The following ZNF678 variants were observed in gnomAD, a reference collection of about 807,000 sequenced individuals.
ZNF678 encodes zinc finger protein 678.
Under a neutral mutation model 3.0 loss-of-function variants are expected in ZNF678, and 5 were observed. The ratio of observed to expected loss-of-function variants is 1.69; its 90% CI spans 0.88 to 3.56. ZNF678 has a LOEUF of 3.56. Ranked by LOEUF, ZNF678 falls within the 30% of genes most tolerant of loss-of-function variation. ZNF678 has a pLI of 0.00. For synonymous variants in ZNF678, 218 were observed against 199.6 expected, an observed-to-expected ratio of 1.09 and a Z score of -0.78; for missense variants, 593 against 605.0, an observed-to-expected ratio of 0.98 and a Z score of 0.21.
In ZNF678 at chr1:227,568,979, A is replaced by C. The variant is rs561520182; in HGVS notation, c.-164+5255A>C. Reference sequence around the variant, plus strand: ...CTCTGTTCTGTACACAGGCTGTCACACTGCACTGTCCTGTGATTCCAGGTG... The same window carrying C: ...CTCTGTTCTGTACACAGGCTGTCACCCTGCACTGTCCTGTGATTCCAGGTG... On this transcript the variant is annotated intron_variant, in intron 1 of 3. Coordinates refer to ENST00000343776, the MANE Select transcript of ZNF678 (RefSeq NM_001367909.1). 9.2e-5 allele frequency among the ~76,000 whole-genome samples: 14 copies of C among 152,322 alleles called. No individual in the cohort carries two copies. In the East Asian group the frequency reaches 2.7e-3, roughly 29 times the overall value.
At chr1:227,589,769 A>G (rs530049979) in intron 1 of ZNF678, among the ~76,000 whole-genome samples, 1 of 151,966 alleles carries the variant, frequency 6.6e-6, no homozygotes, top group African/African-American at 2.4e-5. Flanking sequence ...AGGTTAGGTC[A>G]GGGGTCGATC....
intron 1 of ZNF678, among the ~76,000 whole-genome samples, chr1:227,572,552 G>A (rs117433340): frequency 3.1e-4 from 47 of 152,244 alleles, no homozygotes; most frequent in African/African-American, 9.9e-4. Flanking sequence ...GGGGAAGAGC[G>A]ATGGGCACCC....
chr1:227,573,005 G>A (rs1656893871), intron 1 of ZNF678, among the ~76,000 whole-genome samples: 1 of 152,264 alleles, frequency 6.6e-6, no homozygotes, highest in Admixed American at 6.5e-5. Context: ...CCTGGCTACA[G>A]CTAGCGCTGG....
chr1:227,586,309 C>T lies in ZNF678; in HGVS notation c.-164+22585C>T, dbSNP rs186310871. ...CAGAAACTGTCTTAGGAAGCACAGA[C>T]GTAATATTTATTAAACTAAGCCTTT... On this transcript the variant is annotated intron_variant, in intron 1 of 3. Transcript: ENST00000343776. 8.5e-5 allele frequency among the ~76,000 whole-genome samples: 13 copies of T among 152,230 alleles called. 1 individual carries two copies. In the East Asian group the frequency reaches 1.3e-3, roughly 16 times the overall value.
intron 1 of ZNF678, among the ~76,000 whole-genome samples, chr1:227,598,007 C>T (rs1339917423): frequency 6.6e-6 from 1 of 152,204 alleles, no homozygotes; most frequent in Non-Finnish European, 1.5e-5. Flanking sequence ...TGCTTCTCTA[C>T]AGAGTAAGGG....
downstream of ZNF678, chr1:227,677,582 TC>T (rs1307168150): frequency 6.6e-6 from 1 of 152,196 alleles, no homozygotes; most frequent in Non-Finnish European, 1.5e-5. Context: ...AGGGGACTCT[TC>T]CCTACCCAAT....
rs1262805042 is a variant in ZNF678, at chr1:227,657,479, C to G, written c.*1651C>G. 4 of 151,828 alleles carry G rather than the reference C, an allele frequency of 2.6e-5. No individual in the cohort carries two copies. Among genetic ancestry groups the G allele is most frequent in the Non-Finnish European group, 5.9e-5 (4 of 67,892 alleles). 9.4% of individuals were successfully genotyped at this position (151,828 alleles called of 1,614,324 possible). A position where few individuals can be genotyped will look rare whatever the true frequency, so the allele number is the denominator to read the frequency against. On this transcript the variant is annotated 3_prime_UTR_variant, in exon 4 of 4. Transcript: ENST00000343776. ...TTTGTAAATACTGGACAATGATACT[C>G]TTATATAATCTTCAGTATAACCATT...
chr1:227,631,146 G>GA (rs36013935), intron 1 of ZNF678, among the ~76,000 whole-genome samples: 1 of 151,978 alleles, frequency 6.6e-6, no homozygotes, highest in Non-Finnish European at 1.5e-5. Context: ...TTTCCCATCT[G>GA]AAAAAAGGAC....
downstream of ZNF678, among the ~76,000 whole-genome samples, chr1:227,666,741 CTTTT>C (rs1182440018): frequency 8.7e-6 from 1 of 115,168 alleles, no homozygotes; most frequent in Non-Finnish European, 1.8e-5. Flanking sequence ...TTCTTTCTTG[CTTTT>C]TTTTTTTTTT....
At chr1:227,616,368 G>T (rs1302530169) in intron 1 of ZNF678, among the ~76,000 whole-genome samples, 1 of 152,222 alleles carries the variant, frequency 6.6e-6, no homozygotes, top group Non-Finnish European at 1.5e-5. Context: ...CTCCGCAGGT[G>T]CTGGCCCATT....
At chr1:227,651,682 C>A (rs1324708965) in intron 3 of ZNF678, among the ~76,000 whole-genome samples, 1 of 152,168 alleles carries the variant, frequency 6.6e-6, no homozygotes, top group Non-Finnish European at 1.5e-5. Flanking sequence ...AAAAGGCTTT[C>A]CTTGGTCTTG....
chr1:227,631,080 A>G (rs921272584), intron 1 of ZNF678, among the ~76,000 whole-genome samples: 1 of 152,084 alleles, frequency 6.6e-6, no homozygotes, highest in Non-Finnish European at 1.5e-5. Flanking sequence ...CTGAGGGTCA[A>G]ATTGGCCCAA....
chr1:227,643,320 G>A (rs887138439), intron 1 of ZNF678, among the ~76,000 whole-genome samples: 2 of 152,108 alleles, frequency 1.3e-5, no homozygotes, highest in Non-Finnish European at 2.9e-5. Context: ...TTTATTATTA[G>A]GTTACAGAAT....
At position 227,643,390 on chromosome 1, in the gene ZNF678, C is replaced by T. The variant is rs182147080; in HGVS notation, c.-163-3154C>T. 2.0e-5 allele frequency among the ~76,000 whole-genome samples: 3 copies of T among 152,292 alleles called. No homozygotes were observed. The East Asian group carries it at 5.8e-4, about 29-fold the overall frequency. On this transcript the variant is annotated intron_variant, in intron 1 of 3. Coordinates refer to ENST00000343776, the MANE Select transcript of ZNF678 (RefSeq NM_001367909.1). ...GAAAGTCAGGTTTCTCATGGGCAGC[C>T]TTAGGAAAGACGTAACTGAAAATAA...
chr1:227,566,190 G>A (rs527390231), intron 1 of ZNF678, among the ~76,000 whole-genome samples: 1 of 152,330 alleles, frequency 6.6e-6, no homozygotes, highest in East Asian at 1.9e-4. Flanking sequence ...CCAGAGGACA[G>A]CCTATGGCAT....
intron 5 of ZNF678, among the ~76,000 whole-genome samples, chr1:227,676,863 A>G (rs1426038965): frequency 6.6e-6 from 1 of 152,026 alleles, no homozygotes; most frequent in African/African-American, 2.4e-5. Flanking sequence ...ATCATTTTTT[A>G]TGGTTGCATA....
chr1:227,633,526 T>G (rs1298810605), intron 1 of ZNF678, among the ~76,000 whole-genome samples: 1 of 152,184 alleles, frequency 6.6e-6, no homozygotes, highest in Non-Finnish European at 1.5e-5. Flanking sequence ...GAATTGTTAG[T>G]CGGCCTAGGA....
At chr1:227,667,911 G>A (rs963097048) in intron 5 of ZNF678, among the ~76,000 whole-genome samples, 1 of 152,132 alleles carries the variant, frequency 6.6e-6, no homozygotes, top group Non-Finnish European at 1.5e-5. Flanking sequence ...AAAAGCTAAG[G>A]TATTCAGATT....
intron 2 of ZNF678, among the ~76,000 whole-genome samples, chr1:227,650,370 A>G (rs1166276119): frequency 6.6e-6 from 1 of 151,960 alleles, no homozygotes; most frequent in African/African-American, 2.4e-5. Context: ...TTTTGTATCT[A>G]TTTTGTTCCA....
Sources: gnomAD v4.1 joint callset for allele counts (sites outside exome capture counted in the v4.1 genomes callset) on GRCh38, gnomAD v4.1.1 for gene constraint, MANE v1.5 for transcripts, NCBI Gene and HGNC (gene_info 2026-07-23, HGNC 2026-07-21) for gene names.